NUP210L: variants seen among roughly 807,000 people sequenced by gnomAD.
NUP210L encodes the protein nuclear pore membrane glycoprotein 210-like.
In NUP210L, 74 loss-of-function variants were observed where a neutral mutation model predicts 208.5. That is an observed-to-expected ratio of 0.35 (90% CI 0.29 to 0.43). NUP210L has a LOEUF of 0.43. NUP210L is among the 20% of genes least tolerant of loss of function. The pLI, the probability that NUP210L is intolerant of heterozygous loss-of-function variation, is 1.00. For synonymous variants in NUP210L, 780 were observed against 816.9 expected, an observed-to-expected ratio of 0.95 and a Z score of 0.77; for missense variants, 1,843 against 2,289.4, an observed-to-expected ratio of 0.81 and a Z score of 3.98.
At chr1:154,060,604 A>G (rs1654082913) in exon 20 of NUP210L, 8 of 1,613,064 alleles carry the variant, frequency 5.0e-6, no homozygotes, top group Non-Finnish European at 6.8e-6. Flanking sequence ...GCTGTTGACT[A>G]AAAAATAACC....
intron 14 of NUP210L, among the ~76,000 whole-genome samples, chr1:154,097,349 A>G (rs1009361964): frequency 3.3e-5 from 5 of 152,218 alleles, no homozygotes; most frequent in African/African-American, 4.8e-5. Flanking sequence ...CGTGACTAAC[A>G]TACTAGGTAG....
Position 154,126,308 on chromosome 1 carries a change from CTGTT to C in NUP210L, c.1326+11_1326+14del. 1.2e-6 allele frequency: 2 copies of C among 1,603,952 alleles called. No individual in the cohort carries two copies. The highest frequency in any genetic ancestry group is 1.7e-6 in the Non-Finnish European group (2 of 1,175,980). On this transcript the variant is annotated intron_variant, in intron 10 of 39. Transcript: ENST00000368559. ...AGTGTTCTTAGAATACAAACACTGT[CTGTT>C]TAATTCCTACCTGGTAAATGATGGA...
chr1:154,057,690 A>ATGTGTGTGTGTGTG (rs4060104), intron 22 of NUP210L, among the ~76,000 whole-genome samples: 7 of 125,476 alleles, frequency 5.6e-5, no homozygotes, highest in Admixed American at 1.7e-4. Flanking sequence ...AGGACCTCGA[A>ATGTGTGTGTGTGTG]TGTGTGTGTG....
chr1:154,126,310 G>A lies in NUP210L; in HGVS notation c.1326+13C>T. On this transcript the variant is annotated intron_variant, in intron 10 of 39. Coordinates refer to ENST00000368559, the Ensembl canonical transcript of NUP210L. ...TGTTCTTAGAATACAAACACTGTCT[G>A]TTTAATTCCTACCTGGTAAATGATG... 6.2e-7 allele frequency: 1 copy of A among 1,606,358 alleles called. No homozygotes were observed. Among genetic ancestry groups the A allele is most frequent in the African/African-American group, 1.3e-5 (1 of 74,774 alleles).
At chr1:154,041,972 T>C (rs1652906559) in intron 27 of NUP210L, among the ~76,000 whole-genome samples, 1 of 152,220 alleles carries the variant, frequency 6.6e-6, no homozygotes, top group South Asian at 2.1e-4. Flanking sequence ...ATCAGTTATC[T>C]GGAAGAGTCT....
rs74657931 is a variant in NUP210L, at chr1:154,127,450, A to G, written c.1079-33T>C. On this transcript the variant is annotated intron_variant, in intron 8 of 39. Coordinates refer to ENST00000368559, the Ensembl canonical transcript of NUP210L. Reference sequence around the variant, plus strand: ...CAAATCAAGAAACAAAAATATTAGAAGAGGCTAACATTTTTCTACAACGAA... The same window carrying G: ...CAAATCAAGAAACAAAAATATTAGAGGAGGCTAACATTTTTCTACAACGAA... 475 of 1,026,810 alleles carry G rather than the reference A, an allele frequency of 4.6e-4. 5 individuals are homozygous for G. The East Asian group carries it at 0.011, about 25-fold the overall frequency. 63.6% of individuals were successfully genotyped at this position (1,026,810 alleles called of 1,614,324 possible). A position where few individuals can be genotyped will look rare whatever the true frequency, so the allele number is the denominator to read the frequency against.
chr1:154,030,312 A>G (rs60715601), intron 27 of NUP210L, among the ~76,000 whole-genome samples: 1 of 151,846 alleles, frequency 6.6e-6, no homozygotes, highest in Non-Finnish European at 1.5e-5. Context: ...CCAATAACTT[A>G]TGAAAAAATT....
chr1:154,013,070 CAAA>C (rs745411682), intron 33 of NUP210L, among the ~76,000 whole-genome samples: 2 of 133,902 alleles, frequency 1.5e-5, no homozygotes, highest in African/African-American at 5.5e-5. Flanking sequence ...AGCGAGACTC[CAAA>C]AAAAAAAAAA....
chr1:154,008,234 T>C (rs1650687103), intron 35 of NUP210L, among the ~76,000 whole-genome samples: 1 of 152,092 alleles, frequency 6.6e-6, no homozygotes, highest in Non-Finnish European at 1.5e-5. Context: ...CTGTAACTCA[T>C]CACCTGGTAG....
chr1:153,995,815 G>C (rs903075541), intron 37 of NUP210L: 2 of 635,028 alleles, frequency 3.1e-6, no homozygotes, highest in African/African-American at 1.8e-5. Context: ...CGTAAAACCT[G>C]AAGTTCTTAC....
At chr1:154,082,223 C>G (rs1320723563) in intron 16 of NUP210L, among the ~76,000 whole-genome samples, 1 of 152,136 alleles carries the variant, frequency 6.6e-6, no homozygotes, top group Non-Finnish European at 1.5e-5. Context: ...GAGTGGGTAG[C>G]CTGTGAGTCC....
intron 35 of NUP210L, among the ~76,000 whole-genome samples, chr1:154,006,557 G>T (rs185463519): frequency 1.3e-5 from 2 of 151,392 alleles, no homozygotes; most frequent in Admixed American, 1.3e-4. Context: ...GAAGTGGCAC[G>T]ATCTCGGCTC....
At chr1:154,010,597 G>A (rs751441099) in intron 34 of NUP210L, among the ~76,000 whole-genome samples, 12 of 151,996 alleles carry the variant, frequency 7.9e-5, no homozygotes, top group East Asian at 1.9e-4. Flanking sequence ...TAGGCCAGGC[G>A]CGGTGGCTCA....
chr1:154,081,925 C>T (rs1040068881), intron 16 of NUP210L, among the ~76,000 whole-genome samples: 1 of 152,100 alleles, frequency 6.6e-6, no homozygotes, highest in Admixed American at 6.6e-5. Flanking sequence ...GAGGCTGCAG[C>T]AAGCCATAAT....
chr1:154,066,519 G>A (rs9427002), intron 17 of NUP210L, among the ~76,000 whole-genome samples: 4,146 of 152,292 alleles, frequency 0.027, 189 homozygotes, highest in African/African-American at 0.095. Context: ...GCTGAGGCAG[G>A]AGAATGGTAT....
chr1:154,128,646 T>C (rs897163862), intron 8 of NUP210L, among the ~76,000 whole-genome samples: 7 of 151,688 alleles, frequency 4.6e-5, no homozygotes, highest in African/African-American at 1.7e-4. Flanking sequence ...AGCTCAGGAG[T>C]TTGAGACCAG....
Position 154,006,869 on chromosome 1 carries a change from TAC to T in NUP210L, c.4930+3101_4930+3102del, listed in dbSNP as rs1331505704. ...ATATATATAAATATATACATATACA[TAC>T]ACACACATACATATGTATACACATA... On this transcript the variant is annotated intron_variant, in intron 35 of 39. Transcript: ENST00000368559. Among the ~76,000 whole-genome samples the T allele has an allele frequency of 3.6e-5, 5 of 138,718 alleles. No homozygotes were observed. The East Asian group carries it at 6.3e-4, about 17-fold the overall frequency. The allele number at this position is 138,718 out of a possible 152,430, so 91.0% of individuals were successfully genotyped here. A position where few individuals can be genotyped will look rare whatever the true frequency, so the allele number is the denominator to read the frequency against.
At chr1:154,126,450 G>A in exon 10 of NUP210L, 1 of 1,609,332 alleles carries the variant, frequency 6.2e-7, no homozygotes, top group Non-Finnish European at 8.5e-7. Context: ...AAAGTCGTAT[G>A]TAATCCTGAG....
At position 154,127,299 on chromosome 1, in the gene NUP210L, A is replaced by C. The variant is rs376992050; in HGVS notation, c.1185+12T>G. ...TACAAGGAGCTCAGAAAAATAAAAA[A>C]GACTGACTCACATCTGAAATATAGA... On this transcript the variant is annotated intron_variant, in intron 9 of 39. Coordinates refer to ENST00000368559, the Ensembl canonical transcript of NUP210L. 9 of 1,371,194 alleles carry C rather than the reference A, an allele frequency of 6.6e-6. No individual in the cohort carries two copies. Among genetic ancestry groups the C allele is most frequent in the East Asian group, 2.3e-5 (1 of 43,464 alleles). The allele number at this position is 1,371,194 out of a possible 1,614,324, so 84.9% of individuals were successfully genotyped here. A position where few individuals can be genotyped will look rare whatever the true frequency, so the allele number is the denominator to read the frequency against.
Sources: allele counts gnomAD v4.1 joint callset (sites outside exome capture counted in the v4.1 genomes callset), GRCh38; gene constraint gnomAD v4.1.1; transcripts MANE v1.5; gene names NCBI Gene and HGNC (gene_info 2026-07-23, HGNC 2026-07-21).